Variants in CENPP observed in about 807,000 individuals in gnomAD.
CENPP encodes centromere protein P.
CENPP carries 24 observed loss-of-function variants against 35.6 expected under a neutral mutation model. The ratio of observed to expected loss-of-function variants is 0.67; its 90% CI spans 0.49 to 0.95. The LOEUF is 0.95. Among genes scored for constraint, CENPP ranks in the 40% least tolerant of loss-of-function variants. The pLI is 0.00. For missense variants in CENPP, 332 were observed against 345.3 expected, an observed-to-expected ratio of 0.96 and a Z score of 0.31; for synonymous variants, 120 against 125.5, an observed-to-expected ratio of 0.96 and a Z score of 0.29.
chr9:92,521,036 G>T (rs778327494), intron 5 of CENPP, among the ~76,000 whole-genome samples: 3 of 152,178 alleles, frequency 2.0e-5, no homozygotes, highest in Non-Finnish European at 4.4e-5. Flanking sequence ...GGTGATGGTT[G>T]CACAATACTG....
At chr9:92,423,108 A>G (rs908582240) in intron 5 of CENPP, among the ~76,000 whole-genome samples, 1 of 152,190 alleles carries the variant, frequency 6.6e-6, no homozygotes, top group African/African-American at 2.4e-5. Flanking sequence ...TTTCACTATG[A>G]TAATTTCTTC....
At position 92,389,176 on chromosome 9, in the gene CENPP, A is replaced by T. The variant is rs537915973; in HGVS notation, c.564+9317A>T. 3.9e-5 allele frequency among the ~76,000 whole-genome samples: 6 copies of T among 152,280 alleles called. 1 individual carries two copies. Among genetic ancestry groups the T allele is most frequent in the African/African-American group, 1.4e-4 (6 of 41,566 alleles). ...CCAGCAATGGCATGGTCATCATTTT[A>T]TCTGGGGAATGATTACATCAGAGCT... On this transcript the variant is annotated intron_variant, in intron 5 of 7. Transcript: ENST00000375587.
chr9:92,618,352 G>A lies in CENPP; in HGVS notation c.*5203G>A, dbSNP rs922850146. The A allele has an allele frequency of 4.4e-6, 2 of 456,674 alleles. No individual in the cohort carries two copies. Among genetic ancestry groups the A allele is most frequent in the Non-Finnish European group, 8.8e-6 (2 of 226,962 alleles). 28.3% of individuals were successfully genotyped at this position (456,674 alleles called of 1,614,324 possible). ...TGAGCAGCTGGTCGTAAGGACCCGGGCCTTCAGCTTTCCCCGCATGCTGGC... is the reference window on the plus strand; with the variant it reads ...TGAGCAGCTGGTCGTAAGGACCCGGACCTTCAGCTTTCCCCGCATGCTGGC... On this transcript the variant is annotated 3_prime_UTR_variant, in exon 8 of 8. Transcript: ENST00000375587.
At chr9:92,361,445 T>G (rs1456683457) in intron 4 of CENPP, among the ~76,000 whole-genome samples, 1 of 3,280 alleles carries the variant, frequency 3.0e-4, no homozygotes, top group African/African-American at 9.3e-4. Context: ...CTGGCCTTAT[T>G]TTATTTTATT....
chr9:92,567,160 C>G (rs1485396179), intron 5 of CENPP, among the ~76,000 whole-genome samples: 1 of 151,930 alleles, frequency 6.6e-6, no homozygotes, highest in Non-Finnish European at 1.5e-5. Flanking sequence ...GGGAGTTCTA[C>G]AGGGTGAAAT....
At chr9:92,513,154 C>A (rs890522581) in intron 5 of CENPP, among the ~76,000 whole-genome samples, 1 of 152,174 alleles carries the variant, frequency 6.6e-6, no homozygotes, top group African/African-American at 2.4e-5. Context: ...TCCCAGCACC[C>A]AAAGTGTCCC....
Position 92,616,860 on chromosome 9 carries a change from C to G in CENPP, c.*3711C>G, listed in dbSNP as rs2131410760. 1 of 152,314 alleles carries G rather than the reference C, an allele frequency of 6.6e-6. No individual in the cohort carries two copies. The highest frequency in any genetic ancestry group is 2.4e-5 in the African/African-American group (1 of 41,558). 9.4% of individuals were successfully genotyped at this position (152,314 alleles called of 1,614,324 possible). A position where few individuals can be genotyped will look rare whatever the true frequency, so the allele number is the denominator to read the frequency against. On this transcript the variant is annotated 3_prime_UTR_variant, in exon 8 of 8. Coordinates refer to ENST00000375587, the MANE Select transcript of CENPP (RefSeq NM_001012267.3). ...ACAAGTGACCTAAGCTCAGTTCAGT[C>G]CAAGAGAAGTATCCTGGGTTCTGGT...
chr9:92,503,170 A>G (rs1261437330), intron 5 of CENPP, among the ~76,000 whole-genome samples: 2 of 152,210 alleles, frequency 1.3e-5, no homozygotes, highest in South Asian at 2.1e-4. Context: ...TTTAAAATGT[A>G]TTAGCTATAA....
intron 5 of CENPP, among the ~76,000 whole-genome samples, chr9:92,407,363 A>G (rs1843333941): frequency 1.3e-5 from 2 of 152,176 alleles, no homozygotes; most frequent in Admixed American, 1.3e-4. Flanking sequence ...AAACACTCCT[A>G]TCAGAAATAA....
At chr9:92,583,355 T>C (rs1440821165) in intron 5 of CENPP, among the ~76,000 whole-genome samples, 2 of 152,254 alleles carry the variant, frequency 1.3e-5, no homozygotes, top group East Asian at 3.8e-4. Flanking sequence ...CTTTACTTCC[T>C]GAAGAGAACA....
chr9:92,571,471 A>C (rs575690593), intron 5 of CENPP, among the ~76,000 whole-genome samples: 1 of 152,272 alleles, frequency 6.6e-6, no homozygotes, highest in Admixed American at 6.5e-5. Flanking sequence ...CTGTTCTTTT[A>C]CATTTGCTTA....
intron 1 of CENPP, among the ~76,000 whole-genome samples, chr9:92,326,341 A>G (rs567391873): frequency 1.3e-5 from 2 of 152,328 alleles, no homozygotes; most frequent in South Asian, 4.1e-4. Flanking sequence ...TGGATGACTG[A>G]CAAGGAGGAA....
chr9:92,331,018 A>G (rs1285203146), intron 1 of CENPP, among the ~76,000 whole-genome samples: 2 of 151,994 alleles, frequency 1.3e-5, no homozygotes, highest in Non-Finnish European at 2.9e-5. Context: ...TTTCTCAAGG[A>G]AAATATATTT....
At chr9:92,387,754 A>G (rs80184055) in intron 5 of CENPP, among the ~76,000 whole-genome samples, 5,408 of 151,992 alleles carry the variant, frequency 0.036, 128 homozygotes, top group South Asian at 0.086. Flanking sequence ...GGGCAGCTGA[A>G]TTTATTATTT....
chr9:92,490,090 G>A (rs1846142499), intron 5 of CENPP, among the ~76,000 whole-genome samples: 1 of 152,190 alleles, frequency 6.6e-6, no homozygotes. Flanking sequence ...GTCTGTCCCT[G>A]GAAACATTGA....
At chr9:92,461,073 C>T (rs1241223281) in intron 5 of CENPP, among the ~76,000 whole-genome samples, 1 of 151,982 alleles carries the variant, frequency 6.6e-6, no homozygotes, top group Non-Finnish European at 1.5e-5. Flanking sequence ...TCAGCTTCAA[C>T]AGTTATCTCC....
chr9:92,332,504 T>C lies in CENPP; in HGVS notation c.289+153T>C, dbSNP rs577768593. ...TGTTTACTCACATATCTTTTGAACA[T>C]CACGGTGTTCAAAAAGCTGCCTGGG... On this transcript the variant is annotated intron_variant, in intron 2 of 7. Transcript: ENST00000375587. Among the ~76,000 whole-genome samples the C allele has an allele frequency of 5.3e-5, 8 of 152,344 alleles. No homozygotes were observed. The South Asian group carries it at 1.7e-3, about 32-fold the overall frequency.
At chr9:92,473,252 C>T (rs183522122) in intron 5 of CENPP, among the ~76,000 whole-genome samples, 1 of 152,282 alleles carries the variant, frequency 6.6e-6, no homozygotes, top group East Asian at 1.9e-4. Context: ...AAGCATATGA[C>T]TGCTCTGCCG....
intron 5 of CENPP, among the ~76,000 whole-genome samples, chr9:92,606,842 A>T (rs1214966706): frequency 1.3e-5 from 2 of 152,150 alleles, no homozygotes; most frequent in African/African-American, 4.8e-5. Flanking sequence ...AGGTGCCTAT[A>T]GTCCCAGCTA....
Sources: allele counts gnomAD v4.1 joint callset (sites outside exome capture counted in the v4.1 genomes callset), GRCh38; gene constraint gnomAD v4.1.1; transcripts MANE v1.5; gene names NCBI Gene and HGNC (gene_info 2026-07-23, HGNC 2026-07-21).